Variants in UTRN observed in about 807,000 individuals in gnomAD.
The protein encoded by UTRN is dystrophin-related protein 1.
In UTRN, 283 loss-of-function variants were observed where a neutral mutation model predicts 463.9. The ratio of observed to expected loss-of-function variants is 0.61; its 90% confidence interval spans 0.55 to 0.67. The LOEUF (loss-of-function observed/expected upper bound fraction) is 0.67. Among genes scored for constraint, UTRN ranks in the 30% least tolerant of loss-of-function variants. UTRN has a pLI of 0.00. For synonymous variants in UTRN, 1,442 were observed against 1,431.5 expected (o/e 1.01, Z -0.17); for missense variants, 3,922 against 4,084.3 (o/e 0.96, Z 1.08).
intron 3 of UTRN, among the ~76,000 whole-genome samples, chr6:144,412,142 A>G (rs1227664015): frequency 1.3e-5 from 2 of 152,204 alleles, no homozygotes; most frequent in East Asian, 1.9e-4. Context: ...AATTGAGATG[A>G]ACCTAATTTT....
chr6:144,331,695 C>T (rs749645511), intron 2 of UTRN, among the ~76,000 whole-genome samples: 19 of 152,140 alleles, frequency 1.2e-4, no homozygotes, highest in Middle Eastern at 3.2e-3. Context: ...GGCTTTCAAA[C>T]GCAGCGATTC....
At chr6:144,448,502 T>C in intron 16 of UTRN, 98 bp from the exon 17 acceptor site, 1 of 1,351,846 alleles carries the variant, frequency 7.4e-7, no homozygotes, top group South Asian at 1.4e-5. Flanking sequence ...CTAATAACCA[T>C]TAAATTGTGT....
At chr6:144,640,391 C>G (rs1777644656) in intron 51 of UTRN, among the ~76,000 whole-genome samples, 1 of 152,084 alleles carries the variant, frequency 6.6e-6, no homozygotes, top group Non-Finnish European at 1.5e-5. Context: ...AAGTGTATCC[C>G]TTAGTATAAT....
At chr6:144,298,269 A>G (rs1220118542) in intron 2 of UTRN, among the ~76,000 whole-genome samples, 2 of 152,160 alleles carry the variant, frequency 1.3e-5, no homozygotes, top group Non-Finnish European at 2.9e-5. Context: ...TACTCTCGAG[A>G]TGATGGCTCT....
intron 52 of UTRN, among the ~76,000 whole-genome samples, chr6:144,695,110 A>G (rs1164300068): frequency 6.6e-6 from 1 of 152,132 alleles, no homozygotes; most frequent in Admixed American, 6.5e-5. Flanking sequence ...ATAGCATAAA[A>G]TGTCATGGCA....
chr6:144,447,791 G>T lies in UTRN; in HGVS notation c.1902+10G>T. The T allele has an allele frequency of 1.9e-6, 3 of 1,602,696 alleles. No homozygotes were observed. The South Asian group carries it at 3.4e-5, about 18-fold the overall frequency. On this transcript the variant is annotated intron_variant, in intron 16 of 74. Coordinates refer to ENST00000367545, the MANE Select transcript of UTRN (RefSeq NM_007124.3). ...AGATTCCTCCAACCAGGTACTTTTTGATTTGGATCATATGTTGTGCCATGA... is the reference window on the plus strand; with the variant it reads ...AGATTCCTCCAACCAGGTACTTTTTTATTTGGATCATATGTTGTGCCATGA...
intron 65 of UTRN, among the ~76,000 whole-genome samples, chr6:144,811,421 G>A (rs1019278667): frequency 6.6e-6 from 1 of 152,112 alleles, no homozygotes; most frequent in Non-Finnish European, 1.5e-5. Context: ...TCAGCATCCT[G>A]AAGTGGTGTT....
chr6:144,641,540 G>C (rs1377829042), intron 51 of UTRN, among the ~76,000 whole-genome samples: 1 of 152,128 alleles, frequency 6.6e-6, no homozygotes, highest in East Asian at 1.9e-4. Flanking sequence ...ATCTTGGCCT[G>C]AACTAGTTTT....
intron 2 of UTRN, among the ~76,000 whole-genome samples, chr6:144,309,987 A>G (rs1234194848): frequency 6.6e-6 from 1 of 152,028 alleles, no homozygotes; most frequent in Admixed American, 6.6e-5. Flanking sequence ...AAAATAGCAA[A>G]TCCTTCCCTC....
At chr6:144,367,589 C>G (rs1204977353) in intron 2 of UTRN, among the ~76,000 whole-genome samples, 2 of 152,138 alleles carry the variant, frequency 1.3e-5, no homozygotes, top group Admixed American at 1.3e-4. Context: ...CGTAGACAAA[C>G]AGATGTAGCG....
chr6:144,724,222 C>CTTTTTTT (rs34507977), intron 53 of UTRN, among the ~76,000 whole-genome samples: 26 of 78,150 alleles, frequency 3.3e-4, no homozygotes, highest in East Asian at 5.2e-4. Context: ...AGATTCATAA[C>CTTTTTTT]TTTTTTTTTT....
chr6:144,526,960 T>C (rs561126940), intron 41 of UTRN, among the ~76,000 whole-genome samples: 1 of 151,986 alleles, frequency 6.6e-6, no homozygotes, highest in Admixed American at 6.6e-5. Flanking sequence ...CATGCCTGGC[T>C]AATTTTTTTT....
Position 144,447,688 on chromosome 6 carries a change from T to G in UTRN, c.1809T>G (p.Asn603Lys), listed in dbSNP as rs754701091. The change falls in exon 16 of 75, where the codon AAT (asparagine) becomes AAG (lysine). Residue 603 changes from asparagine to lysine, a missense_variant. Asn to Lys is a moderately conservative substitution (Grantham distance 94). This residue lies in a region of UTRN where 2,349 missense variants were observed against 2,303.8 expected (regional missense o/e 1.02). Coordinates refer to ENST00000367545, the MANE Select transcript of UTRN (RefSeq NM_007124.3). ...IGQDVGQLLDNSKASKKINSD... is the reference protein window; with the variant it reads ...IGQDVGQLLDKSKASKKINSD... ...AGGATGTGGGACAATTACTTGATAA[T>G]TCCAAGGCATCTAAGAAGATCAACA... The G allele has an allele frequency of 6.2e-7, 1 of 1,614,014 alleles. No individual in the cohort carries two copies. The highest frequency in any genetic ancestry group is 8.5e-7 in the Non-Finnish European group (1 of 1,179,952).
chr6:144,391,367 G>C lies in UTRN; in HGVS notation c.80-11756G>C, dbSNP rs75827483. 7.5e-3 allele frequency among the ~76,000 whole-genome samples: 1,139 copies of C among 152,168 alleles called. 47 individuals are homozygous for C. In the East Asian group the frequency reaches 0.13, roughly 17 times the overall value. ...ATTACAGATGTGAGCCACTTGCCTG[G>C]TCCCCAGTTCTTATTATGTCAGTTT... On this transcript the variant is annotated intron_variant, in intron 2 of 74. Transcript: ENST00000367545.
intron 10 of UTRN, among the ~76,000 whole-genome samples, chr6:144,436,855 A>G (rs1164439213): frequency 2.1e-5 from 3 of 143,666 alleles, no homozygotes; most frequent in East Asian, 2.0e-4. Context: ...AATAAAATAT[A>G]TAAATAAATA....
chr6:144,757,258 A>G (rs962555931), intron 57 of UTRN, among the ~76,000 whole-genome samples: 8 of 149,546 alleles, frequency 5.3e-5, no homozygotes, highest in African/African-American at 2.0e-4. Flanking sequence ...AAAAAAAAGT[A>G]CCTCAATTTA....
chr6:144,636,518 A>C (rs1321933286), intron 51 of UTRN, among the ~76,000 whole-genome samples: 1 of 152,076 alleles, frequency 6.6e-6, no homozygotes, highest in Non-Finnish European at 1.5e-5. Flanking sequence ...CGTTCTGCAC[A>C]TGTATCCCAG....
At chr6:144,792,475 A>C (rs1278513053) in intron 62 of UTRN, among the ~76,000 whole-genome samples, 1 of 152,080 alleles carries the variant, frequency 6.6e-6, no homozygotes, top group African/African-American at 2.4e-5. Context: ...TGAACCCGGT[A>C]GGTGGAGGTT....
Position 144,437,661 on chromosome 6 carries a change from G to C in UTRN, c.1156G>C (p.Glu386Gln). 6.2e-7 allele frequency: 1 copy of C among 1,614,170 alleles called. No individual in the cohort carries two copies. Among genetic ancestry groups the C allele is most frequent in the Non-Finnish European group, 8.5e-7 (1 of 1,180,020 alleles). The change falls in exon 11 of 75, where the codon GAA (glutamate) becomes CAA (glutamine). Residue 386 changes from glutamate (E) to glutamine (Q), a missense_variant. Physicochemically the swap from Glu to Gln is conservative, Grantham distance 29. This residue lies in a region of UTRN where 2,349 missense variants were observed against 2,303.8 expected (regional missense o/e 1.02). Transcript: ENST00000367545. ...LITQGTLSDE[E>Q]EFEIQEQMTL... ...AACACAAGGAACTCTGTCAGACGAAGAAGAATTTGAGATTCAGGAACAGAT... is the reference window on the plus strand; with the variant it reads ...AACACAAGGAACTCTGTCAGACGAACAAGAATTTGAGATTCAGGAACAGAT...
Sources: gnomAD v4.1 joint callset for allele counts (sites outside exome capture counted in the v4.1 genomes callset) on GRCh38, gnomAD v4.1.1 for gene constraint, gnomAD v4.1.1 regional missense constraint, MANE v1.5 for transcripts, NCBI Gene and HGNC (gene_info 2026-07-23, HGNC 2026-07-21) for gene names.